Variants in SLC30A9 observed in about 807,000 individuals in gnomAD.
SLC30A9 encodes the protein solute carrier family 30 member 9, also known as proton-coupled zinc antiporter SLC30A9, mitochondrial.
Under a neutral mutation model 87.5 loss-of-function variants are expected in SLC30A9, and 58 were observed. That is an observed-to-expected ratio of 0.66 (90% CI 0.54 to 0.82). The LOEUF (loss-of-function observed/expected upper bound fraction) is 0.82. Ranked by LOEUF, SLC30A9 falls within the 40% of genes least tolerant of loss-of-function variation. The pLI is 0.00. For synonymous variants in SLC30A9, 234 were observed against 233.0 expected (o/e 1.00, Z -0.04); for missense variants, 557 against 679.1 (o/e 0.82, Z 2.00).
chr4:42,067,101 T>C lies in SLC30A9; in HGVS notation c.1161T>C (p.Asp387=). The part of the protein sequence containing the change: ...SFYKYVMESR[D]PSTNVILLED... ...AATGACTAGTAATGGAAAGTCGTGA[T>C]CCTAGTACAAATGTGATATTATTGG... The change falls in exon 14 of 18, where the codon GAT becomes GAC. Residue 387 remains aspartate (D), a synonymous_variant. Coordinates refer to ENST00000264451, the MANE Select transcript of SLC30A9 (RefSeq NM_006345.4). 2 of 1,611,326 alleles carry C rather than the reference T, an allele frequency of 1.2e-6. No individual in the cohort carries two copies. Among genetic ancestry groups the C allele is most frequent in the Non-Finnish European group, 1.7e-6 (2 of 1,177,816 alleles).
intron 11 of SLC30A9, among the ~76,000 whole-genome samples, chr4:42,064,458 T>G (rs1718002853): frequency 6.6e-6 from 1 of 152,222 alleles, no homozygotes; most frequent in African/African-American, 2.4e-5. Context: ...TAAACTAGGC[T>G]TATTTGTTAT....
At chr4:42,001,503 G>C in intron 1 of SLC30A9, 113 bp from the exon 2 acceptor site, 1 of 526,424 alleles carries the variant, frequency 1.9e-6, no homozygotes, top group Non-Finnish European at 3.4e-6. Flanking sequence ...TTACAAAATG[G>C]TATTTCATGT....
At chr4:41,994,461 T>G (rs1196556898) in intron 1 of SLC30A9, among the ~76,000 whole-genome samples, 1 of 151,562 alleles carries the variant, frequency 6.6e-6, no homozygotes, top group African/African-American at 2.4e-5. Flanking sequence ...TGGCAAAAAT[T>G]TGAGAGGGGA....
At chr4:42,078,387 C>T (rs1203770341) in intron 17 of SLC30A9, 62 bp downstream of exon 17, 3 of 817,064 alleles carry the variant, frequency 3.7e-6, no homozygotes, top group Non-Finnish European at 6.2e-6. Flanking sequence ...AGTACTTACT[C>T]TACAGCAGAC....
chr4:42,075,032 TATATATATATATATATATATATATATA>T (rs1718467427), intron 15 of SLC30A9, among the ~76,000 whole-genome samples: 26 of 6,256 alleles, frequency 4.2e-3, no homozygotes, highest in Non-Finnish European at 7.0e-3. Context: ...TATATATATA[TATATATATATATATATATATATATATA>T]TTTTTTTTTT....
intron 17 of SLC30A9, among the ~76,000 whole-genome samples, chr4:42,085,246 T>C (rs1433730971): frequency 6.6e-6 from 1 of 152,220 alleles, no homozygotes; most frequent in East Asian, 1.9e-4. Context: ...TGAAATTTTC[T>C]AGATCTCATG....
Position 42,035,246 on chromosome 4 carries a change from G to T in SLC30A9, c.611-29G>T. 6 of 1,573,060 alleles carry T rather than the reference G, an allele frequency of 3.8e-6. No homozygotes were observed. The South Asian group carries it at 4.4e-5, about 12-fold the overall frequency. On this transcript the variant is annotated intron_variant, in intron 6 of 17. Coordinates refer to ENST00000264451, the MANE Select transcript of SLC30A9 (RefSeq NM_006345.4). ...AACTGTGACTGGTAAGAATATCTATGACCTAAATTTATTTTGTTATTCTTA... is the reference window on the plus strand; with the variant it reads ...AACTGTGACTGGTAAGAATATCTATTACCTAAATTTATTTTGTTATTCTTA...
At chr4:42,045,054 C>G (rs1246200553) in intron 8 of SLC30A9, among the ~76,000 whole-genome samples, 2 of 152,082 alleles carry the variant, frequency 1.3e-5, no homozygotes, top group Admixed American at 6.6e-5. Context: ...TGGAACATAG[C>G]TAAAGCAGTG....
At chr4:42,005,668 T>C (rs1408448329) in intron 2 of SLC30A9, among the ~76,000 whole-genome samples, 1 of 152,238 alleles carries the variant, frequency 6.6e-6, no homozygotes, top group Non-Finnish European at 1.5e-5. Flanking sequence ...GGCTTTGATA[T>C]GTTCATTTGT....
chr4:42,020,630 C>T, intron 4 of SLC30A9, 115 bp downstream of exon 4: 1 of 522,704 alleles, frequency 1.9e-6, no homozygotes, highest in South Asian at 3.3e-5. Flanking sequence ...GCTACTGGCT[C>T]CTTAAAATGA....
chr4:42,068,245 C>CTTTT (rs59683160), intron 14 of SLC30A9, among the ~76,000 whole-genome samples: 1 of 142,288 alleles, frequency 7.0e-6, no homozygotes. Context: ...GAACTTAACT[C>CTTTT]TTTTTTTTTT....
chr4:41,993,875 G>A (rs1402408570), intron 1 of SLC30A9, among the ~76,000 whole-genome samples: 1 of 152,088 alleles, frequency 6.6e-6, no homozygotes, highest in Non-Finnish European at 1.5e-5. Flanking sequence ...TATAATTCAG[G>A]GCTGGGTGTG....
At chr4:42,046,263 G>C (rs1259654803) in intron 8 of SLC30A9, among the ~76,000 whole-genome samples, 1 of 152,044 alleles carries the variant, frequency 6.6e-6, no homozygotes, top group African/African-American at 2.4e-5. Flanking sequence ...AGAAATAAAG[G>C]GTATTCAAAT....
chr4:42,046,215 G>A (rs1717145733), intron 8 of SLC30A9, among the ~76,000 whole-genome samples: 1 of 152,156 alleles, frequency 6.6e-6, no homozygotes, highest in African/African-American at 2.4e-5. Context: ...ATTCAACATA[G>A]TATTGGAAGC....
At chr4:42,024,332 AT>A (rs1212086354) in intron 6 of SLC30A9, among the ~76,000 whole-genome samples, 1 of 152,160 alleles carries the variant, frequency 6.6e-6, no homozygotes, top group Non-Finnish European at 1.5e-5. Flanking sequence ...ATAGACATAA[AT>A]GGGGTGATAC....
rs760236279 is a variant in SLC30A9, at chr4:42,065,333, A to G, written c.1056A>G (p.Ser352=). Residue 352 remains serine (S), a synonymous_variant, in exon 12 of 18, where the codon TCA becomes TCG. Transcript: ENST00000264451. The part of the protein sequence containing the change: ...LLWAYCILAG[S]LVSEGATLLV... ...AGGCATATTGTATTTTAGCAGGATC[A>G]TTAGTATCTGAAGGAGGTATGTACT... The G allele has an allele frequency of 7.3e-7, 1 of 1,372,562 alleles. No individual in the cohort carries two copies. The highest frequency in any genetic ancestry group is 1.0e-6 in the Non-Finnish European group (1 of 963,338). 85.0% of individuals were successfully genotyped at this position (1,372,562 alleles called of 1,614,324 possible). A position where few individuals can be genotyped will look rare whatever the true frequency, so the allele number is the denominator to read the frequency against.
chr4:41,990,764 A>C lies in SLC30A9; in HGVS notation c.109+4A>C, dbSNP rs777852870. On this transcript the variant is annotated splice_donor_region_variant and intron_variant, in intron 1 of 17. Coordinates refer to ENST00000264451, the MANE Select transcript of SLC30A9 (RefSeq NM_006345.4). ...TGTAATCCCAGCGACCGCCAGGGTG[A>C]GTGTCCCGCGCTGGCCGCTGGCTCC... 28 of 1,604,256 alleles carry C rather than the reference A, an allele frequency of 1.7e-5. No homozygotes were observed. The highest frequency in any genetic ancestry group is 2.4e-5 in the Non-Finnish European group (28 of 1,174,106).
At position 42,048,383 on chromosome 4, in the gene SLC30A9, T is replaced by C. The variant is rs148544652; in HGVS notation, c.738-994T>C. Among the ~76,000 whole-genome samples the C allele has an allele frequency of 2.0e-5, 3 of 152,220 alleles. No homozygotes were observed. In the East Asian group the frequency reaches 5.8e-4, roughly 29 times the overall value. ...AAAACTGTGACAGACAGAATAAATATGATGTTTTTAAGAAGTTATCTGAGG... is the reference window on the plus strand; with the variant it reads ...AAAACTGTGACAGACAGAATAAATACGATGTTTTTAAGAAGTTATCTGAGG... On this transcript the variant is annotated intron_variant, in intron 8 of 17. Transcript: ENST00000264451.
intron 2 of SLC30A9, among the ~76,000 whole-genome samples, chr4:42,008,122 C>T (rs1715291410): frequency 1.3e-5 from 2 of 152,156 alleles, no homozygotes; most frequent in African/African-American, 4.8e-5. Flanking sequence ...AAGCACTCTC[C>T]TTTTGGTTCG....
Sources: allele counts gnomAD v4.1 joint callset (sites outside exome capture counted in the v4.1 genomes callset), GRCh38; gene constraint gnomAD v4.1.1; transcripts MANE v1.5; gene names NCBI Gene and HGNC (gene_info 2026-07-23, HGNC 2026-07-21).